Variants in PXDN observed in about 807,000 individuals in gnomAD.
The protein encoded by PXDN is peroxidasin, also known as peroxidasin homolog.
A neutral mutation model predicts 140.3 loss-of-function variants in PXDN; 77 were observed. The observed-to-expected ratio is 0.55, with a 90% confidence interval of 0.46 to 0.66. The LOEUF is 0.66. Ranked by LOEUF, PXDN falls within the 30% of genes least tolerant of loss-of-function variation. The probability of loss-of-function intolerance (pLI) is 0.00; values close to 1 mark genes in which losing one functional copy is unlikely to be tolerated. For synonymous variants in PXDN, 911 were observed against 857.4 expected (o/e 1.06, Z -1.09); for missense variants, 1,838 against 2,039.5 (o/e 0.90, Z 1.90).
At chr2:1,697,223 A>G (rs181514445) in intron 1 of PXDN, among the ~76,000 whole-genome samples, 1 of 152,294 alleles carries the variant, frequency 6.6e-6, no homozygotes, top group African/African-American at 2.4e-5. Flanking sequence ...ACGCAAATAC[A>G]CACTATGTAT....
At chr2:1,636,156 A>G (rs1385216007) in intron 21 of PXDN, 2 of 157,920 alleles carry the variant, frequency 1.3e-5, no homozygotes, top group Non-Finnish European at 2.8e-5. Flanking sequence ...GGGTCCAGCA[A>G]TCTCCACGAC....
chr2:1,672,987 T>C (rs1486163559), intron 9 of PXDN, among the ~76,000 whole-genome samples: 1 of 152,114 alleles, frequency 6.6e-6, no homozygotes, highest in Non-Finnish European at 1.5e-5. Context: ...ATCTGTATCA[T>C]TTCCCAGAGC....
At chr2:1,735,107 C>G (rs1685400489) in intron 1 of PXDN, among the ~76,000 whole-genome samples, 1 of 152,148 alleles carries the variant, frequency 6.6e-6, no homozygotes, top group African/African-American at 2.4e-5. Context: ...TGCAGCAATT[C>G]TCTCATATCT....
At position 1,660,753 on chromosome 2, in the gene PXDN, A is replaced by T. The variant is rs1187798215; in HGVS notation, c.1837+128T>A. ...CATCAGGAGAGTGTCCCCACCTGGG[A>T]ATCAAGGGTGCTTTGTCTTCTGAAT... On this transcript the variant is annotated intron_variant, in intron 14 of 22. Coordinates refer to ENST00000252804, the MANE Select transcript of PXDN (RefSeq NM_012293.3). This position sits in a 1 kb window ranked among gnomAD's most constrained non-coding sequence, Gnocchi z 4.6. 5.6e-6 allele frequency: 7 copies of T among 1,244,048 alleles called. No homozygotes were observed. The highest frequency in any genetic ancestry group is 1.5e-5 in the African/African-American group (1 of 66,336). The allele number at this position is 1,244,048 out of a possible 1,614,324, so 77.1% of individuals were successfully genotyped here.
rs1684016813 is a variant in PXDN, at chr2:1,685,039, A to G, written c.417-888T>C. 6.6e-6 allele frequency among the ~76,000 whole-genome samples: 1 copy of G among 152,206 alleles called. No homozygotes were observed. The highest frequency in any genetic ancestry group is 1.5e-5 in the Non-Finnish European group (1 of 68,030). On this transcript the variant is annotated intron_variant, in intron 4 of 22. Coordinates refer to ENST00000252804, the MANE Select transcript of PXDN (RefSeq NM_012293.3). The surrounding 1 kb of genome is among the most constrained non-coding windows in gnomAD (Gnocchi z 5.1). ...AGGTCTTCATAACTCCACAGAAAGG[A>G]GGACTCCTCAGAACGCACGCCTGAG...
chr2:1,661,230 T>G (rs1193450130), intron 13 of PXDN, among the ~76,000 whole-genome samples, 193 bp from the exon 14 acceptor site: 1 of 152,184 alleles, frequency 6.6e-6, no homozygotes, highest in Non-Finnish European at 1.5e-5. Context: ...GCTGGCGAGA[T>G]AAACTCTTCC....
chr2:1,711,136 C>T (rs1332710243), intron 1 of PXDN, among the ~76,000 whole-genome samples: 2 of 120,000 alleles, frequency 1.7e-5, no homozygotes, highest in Admixed American at 8.1e-5. Flanking sequence ...TCCACCAGCA[C>T]CCACTCTCCA....
chr2:1,638,755 G>T, intron 21 of PXDN, 91 bp downstream of exon 21: 4 of 1,568,682 alleles, frequency 2.5e-6, no homozygotes, highest in Non-Finnish European at 3.5e-6. Context: ...ACAGTTGCCT[G>T]GGAATAAAAT....
rs1683744564 is a variant in PXDN, at chr2:1,677,311, A to G, written c.731-267T>C. The stretch of plus-strand genomic sequence containing the variant: ...GCTCAGAGTTGGGCAGACAGCCCCA[A>G]ATGACAGCCTTCGGCGTCCCCTCGA... On this transcript the variant is annotated intron_variant, in intron 7 of 22. Coordinates refer to ENST00000252804, the MANE Select transcript of PXDN (RefSeq NM_012293.3). Among the ~76,000 whole-genome samples, 4 of 152,222 alleles carry G rather than the reference A, an allele frequency of 2.6e-5. No individual in the cohort carries two copies. In the South Asian group the frequency reaches 8.3e-4, roughly 31 times the overall value.
intron 6 of PXDN, 82 bp from the exon 7 acceptor site, chr2:1,680,444 C>A: frequency 6.5e-6 from 10 of 1,533,124 alleles, no homozygotes; most frequent in Non-Finnish European, 8.1e-6. Flanking sequence ...TTCCAGGTCC[C>A]GCGTCGGGAA....
intron 1 of PXDN, among the ~76,000 whole-genome samples, chr2:1,724,031 G>C (rs1203698753): frequency 6.6e-6 from 1 of 152,186 alleles, no homozygotes; most frequent in Non-Finnish European, 1.5e-5. Context: ...GCTATGACTA[G>C]GAAAAGGAGC....
rs780225016 is a variant in PXDN, at chr2:1,639,269, C to T, written c.4073+33G>A. 4 of 1,598,708 alleles carry T rather than the reference C, an allele frequency of 2.5e-6. No homozygotes were observed. The highest frequency in any genetic ancestry group is 3.4e-6 in the Non-Finnish European group (4 of 1,172,324). On this transcript the variant is annotated intron_variant, in intron 20 of 22. Transcript: ENST00000252804. This position sits in a 1 kb window ranked among gnomAD's most constrained non-coding sequence, Gnocchi z 5.0. ...CGACGCCCGCGGTGCGAGGGCCCCTCTGCACATCATTTGACCTCAGAGACC... is the reference window on the plus strand; with the variant it reads ...CGACGCCCGCGGTGCGAGGGCCCCTTTGCACATCATTTGACCTCAGAGACC...
chr2:1,658,249 A>ATTCCCAAC (rs1553359764), intron 14 of PXDN, among the ~76,000 whole-genome samples: 1 of 151,744 alleles, frequency 6.6e-6, no homozygotes, highest in African/African-American at 2.4e-5. Context: ...TTGTCTTCAA[A>ATTCCCAAC]TTTACACCAT....
At chr2:1,679,821 GGT>G (rs147156720) in intron 7 of PXDN, among the ~76,000 whole-genome samples, 10,670 of 131,694 alleles carry the variant, frequency 0.081, 3 homozygotes, top group East Asian at 0.19. Flanking sequence ...GTGTGTAAAT[GGT>G]GTGTGTGTGG....
intron 18 of PXDN, 38 bp downstream of exon 18, chr2:1,644,580 C>T: frequency 1.9e-6 from 3 of 1,553,976 alleles, no homozygotes; most frequent in Non-Finnish European, 2.6e-6. Flanking sequence ...AAGAAGGTGG[C>T]TTAGGAGCGT....
At chr2:1,711,869 T>C (rs575930119) in intron 1 of PXDN, among the ~76,000 whole-genome samples, 8 of 152,260 alleles carry the variant, frequency 5.3e-5, no homozygotes, top group African/African-American at 1.7e-4. Flanking sequence ...GGGCCTGGAC[T>C]TGTAACTGCT....
intron 1 of PXDN, among the ~76,000 whole-genome samples, chr2:1,705,943 T>C (rs1684594506): frequency 6.6e-6 from 1 of 151,906 alleles, no homozygotes; most frequent in African/African-American, 2.4e-5. Flanking sequence ...TCTCCGTCCA[T>C]TACGGCCTCC....
intron 1 of PXDN, among the ~76,000 whole-genome samples, chr2:1,702,764 G>C (rs1258978890): frequency 1.3e-5 from 2 of 150,926 alleles, no homozygotes; most frequent in East Asian, 3.9e-4. Context: ...GAGTAGCTGG[G>C]ACTACAGGCA....
chr2:1,741,934 C>T (rs899861245), intron 1 of PXDN, among the ~76,000 whole-genome samples: 1 of 152,122 alleles, frequency 6.6e-6, no homozygotes, highest in Non-Finnish European at 1.5e-5. Context: ...GACCCCTCAA[C>T]AGGATATCCC....
Sources: gnomAD v4.1 joint callset for allele counts (sites outside exome capture counted in the v4.1 genomes callset) on GRCh38, gnomAD v4.1.1 for gene constraint, Gnocchi (gnomAD v3.1) non-coding constraint, MANE v1.5 for transcripts, NCBI Gene and HGNC (gene_info 2026-07-23, HGNC 2026-07-21) for gene names.